The following FAM167A variants were observed in gnomAD, a reference collection of about 807,000 sequenced individuals.
FAM167A encodes protein FAM167A.
FAM167A carries 23 observed loss-of-function variants against 14.9 expected under a neutral mutation model. The observed-to-expected ratio is 1.55, with a 90% confidence interval of 1.11 to 2.19. The LOEUF (loss-of-function observed/expected upper bound fraction) is 2.19, where lower values mean the gene tolerates loss of function less well. Among genes scored for constraint, FAM167A ranks in the 30% most tolerant of loss-of-function variants. The probability of loss-of-function intolerance (pLI) is 0.00; values close to 1 mark genes in which losing one functional copy is unlikely to be tolerated. For missense variants in FAM167A, 401 were observed against 281.5 expected, an observed-to-expected ratio of 1.42 and a Z score of -3.04; for synonymous variants, 174 against 117.7, an observed-to-expected ratio of 1.48 and a Z score of -3.10.
intron 2 of FAM167A, among the ~76,000 whole-genome samples, chr8:11,427,857 C>A (rs1291471605): frequency 6.6e-6 from 1 of 152,148 alleles, no homozygotes; most frequent in African/African-American, 2.4e-5. Flanking sequence ...AAATTTATTG[C>A]TAATTAAATT....
At chr8:11,434,548 C>T (rs1025099391) in intron 2 of FAM167A, among the ~76,000 whole-genome samples, 2 of 152,186 alleles carry the variant, frequency 1.3e-5, no homozygotes, top group African/African-American at 2.4e-5. Flanking sequence ...GGAGGCTCTT[C>T]GGGCCCTGCC....
intron 2 of FAM167A, among the ~76,000 whole-genome samples, chr8:11,428,629 T>C (rs374569511): frequency 8.5e-5 from 13 of 152,358 alleles, no homozygotes; most frequent in African/African-American, 3.1e-4. Flanking sequence ...GGATGCACTA[T>C]GGGTTCTCAC....
chr8:11,434,008 C>G (rs1298195067), intron 2 of FAM167A: 1 of 152,126 alleles, frequency 6.6e-6, no homozygotes, highest in Non-Finnish European at 1.5e-5. Context: ...GGGTTTGGTC[C>G]CTGAGAAAGA....
At chr8:11,427,132 T>G (rs910724085) in intron 2 of FAM167A, among the ~76,000 whole-genome samples, 4 of 152,208 alleles carry the variant, frequency 2.6e-5, no homozygotes, top group Admixed American at 2.0e-4. Context: ...CCTGATGCAG[T>G]TCCCAGCTTG....
At chr8:11,435,580 C>A (rs1805948755) in intron 2 of FAM167A, among the ~76,000 whole-genome samples, 1 of 152,196 alleles carries the variant, frequency 6.6e-6, no homozygotes, top group Non-Finnish European at 1.5e-5. Context: ...CCTCACTCCT[C>A]CCTCTGCTAC....
chr8:11,437,053 A>T (rs767060136), intron 2 of FAM167A, among the ~76,000 whole-genome samples: 3 of 152,148 alleles, frequency 2.0e-5, no homozygotes, highest in Admixed American at 6.5e-5. Flanking sequence ...TTGTTCTCCA[A>T]AGTCACTTCA....
Position 11,444,777 on chromosome 8 carries a change from C to G in FAM167A, c.-366G>C, listed in dbSNP as rs149875268. ...TGGCAGGAAGAAGGCCCAGAGCTCT[C>G]TCTTCTCGGGAAGGGCAGGTGGCTG... On this transcript the variant is annotated 5_prime_UTR_variant, in exon 2 of 3. Coordinates refer to ENST00000284486, the MANE Select transcript of FAM167A (RefSeq NM_053279.3). 65 of 1,015,894 alleles carry G rather than the reference C, an allele frequency of 6.4e-5. No homozygotes were observed. In the African/African-American group the frequency reaches 1.0e-3, roughly 16 times the overall value. 62.9% of individuals were successfully genotyped at this position (1,015,894 alleles called of 1,614,324 possible). A position where few individuals can be genotyped will look rare whatever the true frequency, so the allele number is the denominator to read the frequency against.
chr8:11,448,840 G>A (rs1806903083), intron 1 of FAM167A, among the ~76,000 whole-genome samples: 1 of 152,206 alleles, frequency 6.6e-6, no homozygotes, highest in Non-Finnish European at 1.5e-5. Context: ...TCCCAGCACT[G>A]CTGACAAGCC....
chr8:11,458,922 C>T (rs1345016321), intron 1 of FAM167A, among the ~76,000 whole-genome samples: 1 of 152,268 alleles, frequency 6.6e-6, no homozygotes, highest in East Asian at 1.9e-4. Context: ...GAGGCTGGAA[C>T]GGCACTGCCC....
At chr8:11,456,144 T>A (rs113473828) in intron 1 of FAM167A, among the ~76,000 whole-genome samples, 103 of 4,416 alleles carry the variant, frequency 0.023, no homozygotes, top group East Asian at 0.098. Flanking sequence ...GCTGTGTGTG[T>A]GTGTGAATGT....
chr8:11,426,273 T>C lies in FAM167A; in HGVS notation c.382-1637A>G, dbSNP rs190650215. Among the ~76,000 whole-genome samples, 222 of 152,364 alleles carry C rather than the reference T, an allele frequency of 1.5e-3. 2 individuals are homozygous for C. The highest frequency in any genetic ancestry group is 5.0e-3 in the African/African-American group (208 of 41,586). ...TGAACCAAGGTATACCTTCTGTGTA[T>C]TGAGTTATGTCTTTGCTTGTAACTC... On this transcript the variant is annotated intron_variant, in intron 2 of 2. Transcript: ENST00000284486.
rs146816358 is a variant in FAM167A at position 11,424,490 on chromosome 8, C to G, written c.528G>C (p.Glu176Asp). 7.4e-6 allele frequency: 12 copies of G among 1,614,082 alleles called. No homozygotes were observed. The highest frequency in any genetic ancestry group is 1.3e-5 in the African/African-American group (1 of 74,918). The part of the protein sequence containing the change: ...DATYELEERD[E>D]LADLFCDSPL... ...GGGAGTCACAGAAGAGGTCGGCCAG[C>G]TCATCCCGCTCCTCCAGCTCGTAGG... Residue 176 changes from glutamate (E) to aspartate (D), a missense_variant, in exon 3 of 3, where the codon GAG (glutamate) becomes GAC (aspartate). By Grantham distance (45) the Glu-to-Asp change is conservative (BLOSUM62 2). Coordinates refer to ENST00000284486, the MANE Select transcript of FAM167A (RefSeq NM_053279.3).
intron 1 of FAM167A, among the ~76,000 whole-genome samples, chr8:11,455,778 G>C (rs1326383215): frequency 6.7e-6 from 1 of 149,944 alleles, no homozygotes; most frequent in Non-Finnish European, 1.5e-5. Context: ...ATTGGGGGTG[G>C]TTGCCCTGCT....
intron 1 of FAM167A, among the ~76,000 whole-genome samples, chr8:11,446,119 G>C (rs561504345): frequency 6.6e-6 from 1 of 151,632 alleles, no homozygotes; most frequent in Admixed American, 6.6e-5. Flanking sequence ...GGAGGGAAAA[G>C]AATTAAGATG....
intron 1 of FAM167A, among the ~76,000 whole-genome samples, chr8:11,473,996 C>A (rs888474827): frequency 3.5e-4 from 53 of 152,114 alleles, no homozygotes; most frequent in African/African-American, 1.3e-3. Context: ...GCCTCAGCAT[C>A]CTGAGTAGCT....
chr8:11,475,621 T>C (rs1797852211), intron 1 of FAM167A, among the ~76,000 whole-genome samples: 2 of 152,082 alleles, frequency 1.3e-5, no homozygotes. Context: ...AGCCATTACG[T>C]TTTAAAAACC....
rs1585220976 is a variant in FAM167A, at chr8:11,424,118, A to G, written c.*255T>C. On this transcript the variant is annotated 3_prime_UTR_variant, in exon 3 of 3. Transcript: ENST00000284486. ...ATGGTGGGAACCCAGGTCTCCTTTA[A>G]CATCTTGGTTGGAGCGGCCCTTCTG... is the stretch of plus-strand genomic sequence containing the variant. 1.2e-5 allele frequency: 6 copies of G among 487,190 alleles called. No homozygotes were observed. The East Asian group carries it at 2.1e-4, about 17-fold the overall frequency. The allele number at this position is 487,190 out of a possible 1,614,324, so 30.2% of individuals were successfully genotyped here.
At chr8:11,474,703 T>A (rs148788473) in intron 1 of FAM167A, 1 of 152,244 alleles carries the variant, frequency 6.6e-6, no homozygotes, top group Non-Finnish European at 1.5e-5. Flanking sequence ...TGATGTTTCA[T>A]GGTCTGATCA....
intron 2 of FAM167A, among the ~76,000 whole-genome samples, chr8:11,427,177 G>C (rs1345861894): frequency 6.6e-6 from 1 of 152,204 alleles, no homozygotes. Context: ...GTGGAGTCCT[G>C]AGATGTATTT....
Sources: allele counts gnomAD v4.1 joint callset (sites outside exome capture counted in the v4.1 genomes callset), GRCh38; gene constraint gnomAD v4.1.1; transcripts MANE v1.5; gene names NCBI Gene and HGNC (gene_info 2026-07-23, HGNC 2026-07-21).